MNX1: variants seen among roughly 807,000 people sequenced by gnomAD.
The protein encoded by MNX1 is motor neuron and pancreas homeobox 1.
In MNX1, 2 loss-of-function variants were observed where a neutral mutation model predicts 17.3. That is an observed-to-expected ratio of 0.12 (90% CI 0.05 to 0.36). The LOEUF (loss-of-function observed/expected upper bound fraction) is 0.36. Ranked by LOEUF, MNX1 falls within the 10% of genes least tolerant of loss-of-function variation. The pLI, the probability that MNX1 is intolerant of heterozygous loss-of-function variation, is 1.00. For synonymous variants in MNX1, 306 were observed against 283.1 expected (o/e 1.08, Z -0.81); for missense variants, 556 against 564.7 (o/e 0.98, Z 0.16).
rs1244822620 is a variant in MNX1 at position 157,009,980 on chromosome 7, G to T, written c.371C>A (p.Ala124Asp). The T allele has an allele frequency of 7.1e-6, 7 of 980,280 alleles. No individual in the cohort carries two copies. The South Asian group carries it at 1.8e-4, about 26-fold the overall frequency. 60.7% of individuals were successfully genotyped at this position (980,280 alleles called of 1,614,324 possible). The change falls in exon 1 of 3, where the codon GCT becomes GAT. Residue 124 changes from alanine (A) to aspartate (D), a missense_variant. Transcript: ENST00000252971. Reference protein sequence around the residue: ...HHHAHPGAAAAAAAAAAAAAA... With the variant: ...HHHAHPGAAADAAAAAAAAAA... ...GGCGGCGGCGGCGGCGGCGGCGGCA[G>T]CGGCCGCTGCGCCCGGATGCGCGTG...
Position 157,009,923 on chromosome 7 carries a change from G to A in MNX1, c.428C>T (p.Pro143Leu), listed in dbSNP as rs1805677781. 8.1e-7 allele frequency: 1 copy of A among 1,237,810 alleles called. No individual in the cohort carries two copies. The highest frequency in any genetic ancestry group is 1.0e-6 in the Non-Finnish European group (1 of 993,476). The allele number at this position is 1,237,810 out of a possible 1,614,324, so 76.7% of individuals were successfully genotyped here. A position where few individuals can be genotyped will look rare whatever the true frequency, so the allele number is the denominator to read the frequency against. The change falls in exon 1 of 3, where the codon CCT (proline) becomes CTT (leucine). Residue 143 changes from proline to leucine, a missense_variant. Physicochemically the swap from Pro to Leu is moderately conservative, Grantham distance 98. This residue lies in a region of MNX1 where 210 missense variants were observed against 211.3 expected (regional missense o/e 0.99). Coordinates refer to ENST00000252971, the MANE Select transcript of MNX1 (RefSeq NM_005515.4). ...GCCCGCGCCGCCCTGCGCGCCCCCA[G>A]GGTGCAGCCCCAGCGCCAGGCCCCC... ...AAGGLALGLH[P>L]GGAQGGAGLP...
At position 157,010,237 on chromosome 7, in the gene MNX1, T is replaced by TGCG. The variant is rs745662396; in HGVS notation, c.111_113dup (p.Ala38dup). ...CGCCGCCGCCACCTCCGGTGCCAGA[T>TGCG]GCGGCGGCGGCGAGCGACGTGACCA... On this transcript the variant is annotated inframe_insertion, in exon 1 of 3. Coordinates refer to ENST00000252971, the MANE Select transcript of MNX1 (RefSeq NM_005515.4). The TGCG allele has an allele frequency of 1.5e-6, 2 of 1,337,560 alleles. No homozygotes were observed. Among genetic ancestry groups the TGCG allele is most frequent in the Non-Finnish European group, 1.9e-6 (2 of 1,036,268 alleles). 82.9% of individuals were successfully genotyped at this position (1,337,560 alleles called of 1,614,324 possible).
In MNX1 at chr7:157,010,187, C is replaced by G. The variant is rs866277517; in HGVS notation, c.164G>C (p.Ser55Thr). 103 of 1,204,564 alleles carry G rather than the reference C, an allele frequency of 8.6e-5. No individual in the cohort carries two copies. The highest frequency in any genetic ancestry group is 3.3e-4 in the Middle Eastern group (1 of 3,004). The allele number at this position is 1,204,564 out of a possible 1,614,324, so 74.6% of individuals were successfully genotyped here. A position where few individuals can be genotyped will look rare whatever the true frequency, so the allele number is the denominator to read the frequency against. ...GGGGGASGGT[S>T]GSCSPASSEP... ...CGAGGACGCGGGGCTGCAGCTGCCG[C>G]TAGTCCCGCCGCTCGCCCCGCCGCC... Residue 55 changes from serine to threonine, a missense_variant, in exon 1 of 3, where the codon AGC (serine) becomes ACC (threonine). Transcript: ENST00000252971.
intron 1 of MNX1, 34 bp downstream of exon 1, chr7:157,009,626 C>T: frequency 1.9e-6 from 3 of 1,601,958 alleles, no homozygotes; most frequent in East Asian, 4.5e-5. Context: ...GGCCCTCCCG[C>T]CACGCGCATC....
chr7:157,008,925 C>T (rs1189453396), intron 1 of MNX1: 1 of 1,482,518 alleles, frequency 6.7e-7, no homozygotes, highest in Admixed American at 2.0e-5. Flanking sequence ...GAGGAAGCTG[C>T]CCGAAGCCCA....
rs1805598383 is a variant in MNX1, at chr7:157,006,359, C to G, written c.852+120G>C. ...GGCACCTTAGATGAACCCGTGCGCC[C>G]GCCGTCTGAACCGTCGAGGCGCAGC... On this transcript the variant is annotated intron_variant, in intron 2 of 2. Coordinates refer to ENST00000252971, the MANE Select transcript of MNX1 (RefSeq NM_005515.4). This position sits in a 1 kb window ranked among gnomAD's most constrained non-coding sequence, Gnocchi z 6.3. 7.6e-6 allele frequency: 9 copies of G among 1,178,804 alleles called. No homozygotes were observed. Among genetic ancestry groups the G allele is most frequent in the Non-Finnish European group, 1.1e-5 (9 of 851,448 alleles). The allele number at this position is 1,178,804 out of a possible 1,614,324, so 73.0% of individuals were successfully genotyped here.
Position 157,009,662 on chromosome 7 carries a change from T to C in MNX1, c.689A>G (p.Asn230Ser), listed in dbSNP as rs765767987. The C allele has an allele frequency of 6.8e-6, 11 of 1,609,094 alleles. No individual in the cohort carries two copies. The Admixed American group carries it at 1.0e-4, about 15-fold the overall frequency. ...GMILPKMPDF[N>S]SQAQSNLLGK... The stretch of plus-strand genomic sequence containing the variant: ...CACGGGGGCCGCAGGGTACTCACAG[T>C]TGAAGTCGGGCATCTTAGGCAGGAT... The change falls in exon 1 of 3, where the codon AAC becomes AGC. Residue 230 changes from asparagine (N) to serine (S), a missense_variant and splice_region_variant. Asn to Ser is a conservative substitution (Grantham distance 46). This residue lies in a region of MNX1 where 210 missense variants were observed against 211.3 expected (regional missense o/e 0.99). Transcript: ENST00000252971.
intron 1 of MNX1, 160 bp downstream of exon 1, chr7:157,009,500 G>C: frequency 2.1e-6 from 3 of 1,439,486 alleles, no homozygotes; most frequent in Non-Finnish European, 1.8e-6. Flanking sequence ...ATGCCTGGGG[G>C]TCCGGGCGAG....
rs1481071492 is a variant in MNX1, at chr7:157,010,401, T to G, written c.-51A>C. 6.7e-7 allele frequency: 1 copy of G among 1,491,144 alleles called. No individual in the cohort carries two copies. The highest frequency in any genetic ancestry group is 9.1e-7 in the Non-Finnish European group (1 of 1,096,624). The allele number at this position is 1,491,144 out of a possible 1,614,324, so 92.4% of individuals were successfully genotyped here. A position where few individuals can be genotyped will look rare whatever the true frequency, so the allele number is the denominator to read the frequency against. The stretch of plus-strand genomic sequence containing the variant: ...GGCCCGGTGGCGGGCGACGCGGCCG[T>G]GTGCGGGCTCGCGGAGTCAGTGCGT... On this transcript the variant is annotated 5_prime_UTR_variant, in exon 1 of 3. Transcript: ENST00000252971.
rs756417339 is a variant in MNX1, at chr7:157,009,021, GGGCA to G, written c.691+635_691+638del. 1.3e-5 allele frequency: 20 copies of G among 1,537,126 alleles called. 1 individual carries two copies. In the South Asian group the frequency reaches 2.4e-4, roughly 18 times the overall value. On this transcript the variant is annotated intron_variant, in intron 1 of 2. Transcript: ENST00000252971. ...ACCTTGTTGGGCGCCCAGGATTCCAGGGCAGGCACCTACTGTTGAGAGTCCCCCC... is the reference window on the plus strand; with the variant it reads ...ACCTTGTTGGGCGCCCAGGATTCCAGGGCACCTACTGTTGAGAGTCCCCCC...
intron 1 of MNX1, 120 bp downstream of exon 1, chr7:157,009,540 G>A (rs1381830624): frequency 9.4e-6 from 14 of 1,492,724 alleles, no homozygotes; most frequent in Non-Finnish European, 1.2e-5. Context: ...GAGCCGAGGC[G>A]GCTTCGCAGC....
chr7:157,009,479 C>T (rs751626884), intron 1 of MNX1, 181 bp downstream of exon 1: 2 of 1,435,232 alleles, frequency 1.4e-6, no homozygotes, highest in Non-Finnish European at 1.8e-6. Flanking sequence ...TAATAATTCG[C>T]TGCCCGTCTC....
chr7:157,008,097 A>G (rs1805637431), intron 1 of MNX1: 5 of 152,060 alleles, frequency 3.3e-5, no homozygotes, highest in Admixed American at 6.5e-5. Flanking sequence ...AATTTGGCCA[A>G]CTCTAGGTCA....
intron 1 of MNX1, chr7:157,007,024 A>G: frequency 5.2e-6 from 1 of 191,744 alleles, no homozygotes; most frequent in Non-Finnish European, 1.1e-5. Flanking sequence ...CGGGAAGCCC[A>G]GGAGTTGAAG....
chr7:157,009,750 T>C lies in MNX1; in HGVS notation c.601A>G (p.Ile201Val). Residue 201 changes from isoleucine to valine, a missense_variant, in exon 1 of 3, where the codon ATC becomes GTC. Ile to Val is a conservative substitution (Grantham distance 29). Transcript: ENST00000252971. ...TGGAAGGTGCCGGCGCCCAGCTTGA[T>C]GGGGTCGGCGGGGTGCGCGGGGTGC... Reference protein sequence around the residue: ...GAHPAHPADPIKLGAGTFQLD... With the variant: ...GAHPAHPADPVKLGAGTFQLD... The C allele has an allele frequency of 1.2e-6, 2 of 1,605,924 alleles. No individual in the cohort carries two copies. The highest frequency in any genetic ancestry group is 1.7e-6 in the Non-Finnish European group (2 of 1,178,270).
rs1491442119 is a variant in MNX1 at position 157,006,870 on chromosome 7, T to TTTTTTTTTTTTTTTTTTTG, written c.692-232_692-231insCAAAAAAAAAAAAAAAAAA. The TTTTTTTTTTTTTTTTTTTG allele has an allele frequency of 4.8e-6, 2 of 419,488 alleles. No homozygotes were observed. The highest frequency in any genetic ancestry group is 4.2e-5 in the Admixed American group (1 of 23,990). The allele number at this position is 419,488 out of a possible 1,614,324, so 26.0% of individuals were successfully genotyped here. The stretch of plus-strand genomic sequence containing the variant: ...TGAGACCAATTTTTTTTTTTTTTTT[T>TTTTTTTTTTTTTTTTTTTG]GTCTAGGAGACGTCTGAGTGTCCCT... On this transcript the variant is annotated intron_variant, in intron 1 of 2. Coordinates refer to ENST00000252971, the MANE Select transcript of MNX1 (RefSeq NM_005515.4). This position sits in a 1 kb window ranked among gnomAD's most constrained non-coding sequence, Gnocchi z 6.3.
At position 157,010,162 on chromosome 7, in the gene MNX1, C is replaced by A; in HGVS notation, c.189G>T (p.Ser63=). ...GTSGSCSPAS[S]EPPAAPADRL... Reference sequence around the variant, plus strand: ...GGTCGGCGGGCGCAGCCGGCGGCTCCGAGGACGCGGGGCTGCAGCTGCCGC... The same window carrying A: ...GGTCGGCGGGCGCAGCCGGCGGCTCAGAGGACGCGGGGCTGCAGCTGCCGC... The change falls in exon 1 of 3, where the codon TCG becomes TCT. Residue 63 remains serine, a synonymous_variant. Transcript: ENST00000252971. 3 of 1,129,652 alleles carry A rather than the reference C, an allele frequency of 2.7e-6. No homozygotes were observed. The highest frequency in any genetic ancestry group is 1.7e-5 in the African/African-American group (1 of 60,350). The allele number at this position is 1,129,652 out of a possible 1,614,324, so 70.0% of individuals were successfully genotyped here.
In MNX1 at chr7:157,005,876, G is replaced by A; in HGVS notation, c.853-3C>T. 1 of 1,610,704 alleles carries A rather than the reference G, an allele frequency of 6.2e-7. No individual in the cohort carries two copies. The highest frequency in any genetic ancestry group is 8.5e-7 in the Non-Finnish European group (1 of 1,179,782). ...CGGTTCTGGAACCAAATCTTCACCT[G>A]CGGGCACAAGCGGGCGTGAGAAACC... On this transcript the variant is annotated splice_polypyrimidine_tract_variant and splice_region_variant and intron_variant, in intron 2 of 2. Coordinates refer to ENST00000252971, the MANE Select transcript of MNX1 (RefSeq NM_005515.4).
chr7:157,005,770 C>T lies in MNX1; in HGVS notation c.956G>A (p.Gly319Asp), dbSNP rs758672581. Reference sequence around the variant, plus strand: ...CTCCTCCGCGCCGCCCTTCCCCGCGCCCCCGCCGCCGCCCTTCTGTTTCTC... The same window carrying T: ...CTCCTCCGCGCCGCCCTTCCCCGCGTCCCCGCCGCCGCCCTTCTGTTTCTC... Reference protein sequence around the residue: ...EAEKQKGGGGGAGKGGAEEPG... With the variant: ...EAEKQKGGGGDAGKGGAEEPG... The change falls in exon 3 of 3, where the codon GGC (glycine) becomes GAC (aspartate). Residue 319 changes from glycine to aspartate, a missense_variant. By Grantham distance (94) the Gly-to-Asp change is moderately conservative. Coordinates refer to ENST00000252971, the MANE Select transcript of MNX1 (RefSeq NM_005515.4). 12 of 1,609,858 alleles carry T rather than the reference C, an allele frequency of 7.5e-6. No individual in the cohort carries two copies. Among genetic ancestry groups the T allele is most frequent in the Admixed American group, 3.3e-5 (2 of 59,982 alleles).
Sources: gnomAD v4.1 joint callset for allele counts on GRCh38, gnomAD v4.1.1 for gene constraint, gnomAD v4.1.1 regional missense constraint, Gnocchi (gnomAD v3.1) non-coding constraint, MANE v1.5 for transcripts, NCBI Gene and HGNC (gene_info 2026-07-23, HGNC 2026-07-21) for gene names.